Variants in NELL2 observed in about 807,000 individuals in gnomAD.
NELL2 encodes neural EGFL like 2.
A neutral mutation model predicts 109.6 loss-of-function variants in NELL2; 41 were observed. The observed-to-expected ratio is 0.37, with a 90% CI of 0.29 to 0.49. NELL2 has a LOEUF of 0.49. Among genes scored for constraint, NELL2 ranks in the 20% least tolerant of loss-of-function variants. The pLI is 0.98. For missense variants in NELL2, 900 were observed against 1,008.3 expected (o/e 0.89, Z 1.45); for synonymous variants, 355 against 344.7 (o/e 1.03, Z -0.33).
intron 13 of NELL2, among the ~76,000 whole-genome samples, chr12:44,651,384 C>A (rs1947294809): frequency 6.6e-6 from 1 of 152,178 alleles, no homozygotes; most frequent in South Asian, 2.1e-4. Flanking sequence ...ACTGACAAAT[C>A]TTGTGCGTCT....
At chr12:44,686,727 G>C (rs566086712) in intron 12 of NELL2, among the ~76,000 whole-genome samples, 13 of 152,208 alleles carry the variant, frequency 8.5e-5, no homozygotes, top group East Asian at 1.9e-4. Flanking sequence ...TAGTCTGCTC[G>C]GGGGTCAGGG....
chr12:44,841,012 C>G (rs908091309), intron 2 of NELL2, among the ~76,000 whole-genome samples: 1 of 152,136 alleles, frequency 6.6e-6, no homozygotes, highest in African/African-American at 2.4e-5. Context: ...AAATAGTGTT[C>G]TTTGTTGCCT....
chr12:44,730,736 T>G (rs1939325576), intron 9 of NELL2, among the ~76,000 whole-genome samples: 1 of 151,508 alleles, frequency 6.6e-6, no homozygotes, highest in Non-Finnish European at 1.5e-5. Context: ...AAGAACAAAC[T>G]AATTTCAAAG....
chr12:44,844,177 C>A (rs1447633562), intron 2 of NELL2, among the ~76,000 whole-genome samples: 4 of 152,146 alleles, frequency 2.6e-5, no homozygotes, highest in African/African-American at 7.2e-5. Context: ...AAGGGAGAAA[C>A]CTTTACAGCC....
At chr12:44,611,175 G>A (rs1945608881) in intron 13 of NELL2, among the ~76,000 whole-genome samples, 1 of 152,004 alleles carries the variant, frequency 6.6e-6, no homozygotes, top group Admixed American at 6.6e-5. Context: ...AACATTGAAT[G>A]CAAAATAATT....
At chr12:44,697,771 GCTAAAGGCATGT>G (rs1388866600) in intron 12 of NELL2, among the ~76,000 whole-genome samples, 1 of 152,120 alleles carries the variant, frequency 6.6e-6, no homozygotes, top group Non-Finnish European at 1.5e-5. Context: ...AAGCCAAAAA[GCTAAAGGCATGT>G]CTGCCAGATT....
At chr12:44,889,414 C>T (rs1945508987) in intron 1 of NELL2, among the ~76,000 whole-genome samples, 1 of 151,954 alleles carries the variant, frequency 6.6e-6, no homozygotes, top group African/African-American at 2.4e-5. Flanking sequence ...CCATGCAGCC[C>T]TTATTTTTAA....
At chr12:44,510,695 C>G (rs933396285) in intron 19 of NELL2, among the ~76,000 whole-genome samples, 3 of 152,172 alleles carry the variant, frequency 2.0e-5, no homozygotes, top group African/African-American at 7.2e-5. Flanking sequence ...TCTTAGACCC[C>G]TAGTGGCATT....
intron 2 of NELL2, among the ~76,000 whole-genome samples, chr12:44,818,699 G>A (rs1456477302): frequency 6.7e-6 from 1 of 150,222 alleles, no homozygotes; most frequent in Non-Finnish European, 1.5e-5. Context: ...TGTGAACAGA[G>A]CTGAGAGGCT....
chr12:44,718,085 A>G (rs1038484513), intron 9 of NELL2, among the ~76,000 whole-genome samples: 1 of 152,206 alleles, frequency 6.6e-6, no homozygotes, highest in African/African-American at 2.4e-5. Context: ...GAGAAAACTG[A>G]TATTTTTAAA....
intron 15 of NELL2, among the ~76,000 whole-genome samples, chr12:44,568,261 G>C (rs1943734153): frequency 6.6e-6 from 1 of 152,138 alleles, no homozygotes. Context: ...TCATGAAAGA[G>C]TGCAGAATCA....
chr12:44,838,232 T>C (rs1256599182), intron 2 of NELL2, among the ~76,000 whole-genome samples: 2 of 152,098 alleles, frequency 1.3e-5, no homozygotes, highest in Admixed American at 1.3e-4. Flanking sequence ...CAATGAGAAA[T>C]ATGGTAACAA....
intron 9 of NELL2, among the ~76,000 whole-genome samples, chr12:44,745,972 A>C (rs1275996793): frequency 6.6e-6 from 1 of 152,300 alleles, no homozygotes; most frequent in Admixed American, 6.5e-5. Context: ...GGAACCAAAA[A>C]AGAGCCCGCA....
chr12:44,824,796 C>T (rs1177823809), intron 2 of NELL2, among the ~76,000 whole-genome samples: 5 of 150,944 alleles, frequency 3.3e-5, no homozygotes, highest in Admixed American at 6.6e-5. Flanking sequence ...TCGCAAGCTC[C>T]GCCTCCCGGG....
intron 2 of NELL2, among the ~76,000 whole-genome samples, chr12:44,847,019 T>G (rs1469717150): frequency 6.6e-6 from 1 of 152,212 alleles, no homozygotes; most frequent in African/African-American, 2.4e-5. Context: ...AGCAGCTGAT[T>G]AATGCCTGGC....
At chr12:44,521,618 A>C (rs895776720) in intron 18 of NELL2, among the ~76,000 whole-genome samples, 1 of 152,096 alleles carries the variant, frequency 6.6e-6, no homozygotes, top group Admixed American at 6.5e-5. Context: ...ATGGGTTAAC[A>C]AAAGTTCTAC....
chr12:44,828,033 T>C (rs1043499792), intron 2 of NELL2, among the ~76,000 whole-genome samples: 2 of 152,238 alleles, frequency 1.3e-5, no homozygotes, highest in Non-Finnish European at 2.9e-5. Flanking sequence ...TATCTCATTG[T>C]AGTTTTGATT....
At chr12:44,555,972 G>A (rs1274461897) in intron 15 of NELL2, among the ~76,000 whole-genome samples, 2 of 152,182 alleles carry the variant, frequency 1.3e-5, no homozygotes, top group Non-Finnish European at 2.9e-5. Flanking sequence ...GGTGCATGCT[G>A]CCTTCAGGTC....
At chr12:44,878,677 G>C (rs1434614466), upstream of NELL2, among the ~76,000 whole-genome samples, 2 of 152,064 alleles carry the variant, frequency 1.3e-5, no homozygotes, top group Admixed American at 1.3e-4. Flanking sequence ...CTTCTACCTA[G>C]AGTCCATACA....
Sources: gnomAD v4.1 joint callset for allele counts (sites outside exome capture counted in the v4.1 genomes callset) on GRCh38, gnomAD v4.1.1 for gene constraint, MANE v1.5 for transcripts, NCBI Gene and HGNC (gene_info 2026-07-23, HGNC 2026-07-21) for gene names.